Variants in SPRED1 observed in about 807,000 individuals in gnomAD.
The protein encoded by SPRED1 is sprouty related EVH1 domain containing 1.
Under a neutral mutation model 52.3 loss-of-function variants are expected in SPRED1, and 18 were observed. The ratio of observed to expected loss-of-function variants is 0.34; its 90% CI spans 0.24 to 0.51. SPRED1 has a LOEUF of 0.51. SPRED1 is among the 20% of genes least tolerant of loss of function. The pLI, the probability that SPRED1 is intolerant of heterozygous loss-of-function variation, is 0.97. For synonymous variants in SPRED1, 155 were observed against 179.7 expected (o/e 0.86, Z 1.10); for missense variants, 485 against 551.0 (o/e 0.88, Z 1.20).
intron 6 of SPRED1, 29 bp from the exon 7 acceptor site, chr15:38,350,985 A>G (rs749268930): frequency 2.5e-6 from 4 of 1,602,514 alleles, no homozygotes; most frequent in African/African-American, 2.7e-5. Context: ...CATAGCCCTC[A>G]TTGCAGTTTT....
chr15:38,291,426 A>G (rs966119399), intron 1 of SPRED1, among the ~76,000 whole-genome samples: 3 of 152,184 alleles, frequency 2.0e-5, no homozygotes, highest in African/African-American at 4.8e-5. Flanking sequence ...CCTCTTCTCA[A>G]AGCTTCACTA....
chr15:38,305,826 TG>T (rs1895241106), intron 2 of SPRED1, among the ~76,000 whole-genome samples: 1 of 152,204 alleles, frequency 6.6e-6, no homozygotes, highest in South Asian at 2.1e-4. Flanking sequence ...TGAAATTGTT[TG>T]GATTTGGTGA....
intron 4 of SPRED1, among the ~76,000 whole-genome samples, chr15:38,338,655 C>A (rs1895971018): frequency 6.6e-6 from 1 of 152,076 alleles, no homozygotes; most frequent in African/African-American, 2.4e-5. Flanking sequence ...GTTTCAAGAG[C>A]ATTTTCAGTT....
chr15:38,326,731 T>C (rs530256114), intron 4 of SPRED1, among the ~76,000 whole-genome samples: 7 of 152,256 alleles, frequency 4.6e-5, no homozygotes, highest in African/African-American at 1.7e-4. Context: ...CCACCTTTGA[T>C]TGAAGAGGGG....
intron 1 of SPRED1, among the ~76,000 whole-genome samples, chr15:38,297,024 A>C (rs1410887695): frequency 6.6e-6 from 1 of 152,144 alleles, no homozygotes; most frequent in Non-Finnish European, 1.5e-5. Flanking sequence ...AAGGTGCACC[A>C]CCTTGGAAGT....
intron 4 of SPRED1, among the ~76,000 whole-genome samples, chr15:38,336,710 G>T (rs564775193): frequency 6.6e-6 from 1 of 151,746 alleles, no homozygotes; most frequent in Non-Finnish European, 1.5e-5. Context: ...GTTCTCACTC[G>T]TTCTCACTCA....
chr15:38,341,154 A>C (rs1250226288), intron 5 of SPRED1, among the ~76,000 whole-genome samples: 2 of 152,100 alleles, frequency 1.3e-5, no homozygotes, highest in Non-Finnish European at 1.5e-5. Context: ...GTTCATTGGC[A>C]TAAATATATC....
At chr15:38,336,917 C>T (rs1434954470) in intron 4 of SPRED1, among the ~76,000 whole-genome samples, 3 of 151,866 alleles carry the variant, frequency 2.0e-5, no homozygotes, top group African/African-American at 7.3e-5. Flanking sequence ...CCACCTGTTC[C>T]CCAAAAAAAC....
At chr15:38,323,656 C>T (rs1297642753) in intron 3 of SPRED1, among the ~76,000 whole-genome samples, 1 of 151,852 alleles carries the variant, frequency 6.6e-6, no homozygotes, top group Non-Finnish European at 1.5e-5. Flanking sequence ...ATGTTCTGTG[C>T]CTCATTCCAC....
chr15:38,272,272 C>T (rs7178028), intron 1 of SPRED1, among the ~76,000 whole-genome samples: 1 of 145,104 alleles, frequency 6.9e-6, no homozygotes, highest in Non-Finnish European at 1.5e-5. Context: ...GGGTCGAATG[C>T]TAGGTTTTTT....
chr15:38,294,567 C>T (rs1380876638), intron 1 of SPRED1, among the ~76,000 whole-genome samples: 1 of 151,994 alleles, frequency 6.6e-6, no homozygotes, highest in East Asian at 1.9e-4. Flanking sequence ...ATAGGTCTCA[C>T]TGGGCTAATA....
At chr15:38,345,823 C>T (rs113376263) in intron 5 of SPRED1, among the ~76,000 whole-genome samples, 142 of 152,232 alleles carry the variant, frequency 9.3e-4, no homozygotes, top group African/African-American at 3.1e-3. Flanking sequence ...AAGCCTGTCT[C>T]CAAAGGGGAA....
Position 38,353,035 on chromosome 15 carries a change from T to C in SPRED1, c.*1371T>C, listed in dbSNP as rs373111945. 104 of 152,422 alleles carry C rather than the reference T, an allele frequency of 6.8e-4. No homozygotes were observed. The highest frequency in any genetic ancestry group is 2.4e-3 in the African/African-American group (99 of 41,532). The allele number at this position is 152,422 out of a possible 1,614,324, so 9.4% of individuals were successfully genotyped here. On this transcript the variant is annotated 3_prime_UTR_variant, in exon 7 of 7. Coordinates refer to ENST00000299084, the MANE Select transcript of SPRED1 (RefSeq NM_152594.3). ...TGAAGTCAAATTGTCTGTTTTTGTTTTGTTGTTGTTGTTGTTGTTTTCTTA... is the reference window on the plus strand; with the variant it reads ...TGAAGTCAAATTGTCTGTTTTTGTTCTGTTGTTGTTGTTGTTGTTTTCTTA...
Position 38,356,457 on chromosome 15 carries a change from A to G in SPRED1, c.*4793A>G, listed in dbSNP as rs993692361. Reference sequence around the variant, plus strand: ...TGATTAAACCTGTCATGAATTATAAAAGGACTTTTTCTTATTCTCCTAGAG... The same window carrying G: ...TGATTAAACCTGTCATGAATTATAAGAGGACTTTTTCTTATTCTCCTAGAG... On this transcript the variant is annotated 3_prime_UTR_variant, in exon 7 of 7. Transcript: ENST00000299084. 2.0e-5 allele frequency: 3 copies of G among 152,134 alleles called. No individual in the cohort carries two copies. The highest frequency in any genetic ancestry group is 1.3e-4 in the Admixed American group (2 of 15,278). The allele number at this position is 152,134 out of a possible 1,614,324, so 9.4% of individuals were successfully genotyped here.
chr15:38,322,028 G>A (rs1001618889), intron 2 of SPRED1, among the ~76,000 whole-genome samples: 2 of 152,060 alleles, frequency 1.3e-5, no homozygotes, highest in African/African-American at 4.8e-5. Context: ...CTTAAAATGG[G>A]AGTATAATAA....
At chr15:38,335,822 T>C (rs1595754097) in intron 4 of SPRED1, among the ~76,000 whole-genome samples, 1 of 152,026 alleles carries the variant, frequency 6.6e-6, no homozygotes, top group South Asian at 2.1e-4. Flanking sequence ...AGCAATAATA[T>C]TCATAAACAT....
intron 1 of SPRED1, among the ~76,000 whole-genome samples, chr15:38,299,165 T>A (rs1179723220): frequency 6.6e-6 from 1 of 152,176 alleles, no homozygotes; most frequent in Admixed American, 6.6e-5. Context: ...ACAAGAGTAG[T>A]CTTTAAAATA....
chr15:38,300,123 A>T (rs540143021), intron 2 of SPRED1, among the ~76,000 whole-genome samples: 2 of 152,026 alleles, frequency 1.3e-5, no homozygotes, highest in South Asian at 2.1e-4. Flanking sequence ...TTTTAACACT[A>T]TTGTCTTCCA....
intron 1 of SPRED1, among the ~76,000 whole-genome samples, chr15:38,266,250 T>C (rs1384688964): frequency 6.6e-6 from 1 of 152,188 alleles, no homozygotes; most frequent in Non-Finnish European, 1.5e-5. Flanking sequence ...TGATGAAGAA[T>C]GCACATACTT....
Sources: allele counts gnomAD v4.1 joint callset (sites outside exome capture counted in the v4.1 genomes callset), GRCh38; gene constraint gnomAD v4.1.1; transcripts MANE v1.5; gene names NCBI Gene and HGNC (gene_info 2026-07-23, HGNC 2026-07-21).